Variants in SNRPF observed in about 807,000 individuals in gnomAD.
The protein encoded by SNRPF is small nuclear ribonucleoprotein F.
Under a neutral mutation model 13.4 loss-of-function variants are expected in SNRPF, and 1 was observed. The ratio of observed to expected loss-of-function variants is 0.07; its 90% CI spans 0.03 to 0.35. The LOEUF is 0.35. Among genes scored for constraint, SNRPF ranks in the 10% least tolerant of loss-of-function variants. The pLI, the probability that SNRPF is intolerant of heterozygous loss-of-function variation, is 0.99. For missense variants in SNRPF, 53 were observed against 101.0 expected (o/e 0.52, Z 2.04); for synonymous variants, 27 against 32.1 (o/e 0.84, Z 0.54).
At chr12:95,863,823 A>G (rs754673733) in intron 2 of SNRPF, among the ~76,000 whole-genome samples, 1 of 152,210 alleles carries the variant, frequency 6.6e-6, no homozygotes, top group Non-Finnish European at 1.5e-5. Context: ...AGGGAACAGC[A>G]AGTACAAAGG....
At chr12:95,862,817 G>A (rs1308349912) in intron 2 of SNRPF, among the ~76,000 whole-genome samples, 1 of 151,938 alleles carries the variant, frequency 6.6e-6, no homozygotes, top group Non-Finnish European at 1.5e-5. Context: ...ACCAACACTT[G>A]TTATTTTCTA....
At position 95,861,078 on chromosome 12, in the gene SNRPF, G is replaced by T. The variant is rs927594518; in HGVS notation, c.4-90G>T. 15 of 1,252,416 alleles carry T rather than the reference G, an allele frequency of 1.2e-5. No individual in the cohort carries two copies. In the Admixed American group the frequency reaches 3.7e-4, roughly 31 times the overall value. 77.6% of individuals were successfully genotyped at this position (1,252,416 alleles called of 1,614,324 possible). ...AAGGAGTCAAAAGTTTTCTTCATTTGCATACCACAAAATATTGGTGATTCG... is the reference window on the plus strand; with the variant it reads ...AAGGAGTCAAAAGTTTTCTTCATTTTCATACCACAAAATATTGGTGATTCG... On this transcript the variant is annotated intron_variant, in intron 1 of 3. Coordinates refer to ENST00000266735, the MANE Select transcript of SNRPF (RefSeq NM_003095.5).
chr12:95,861,385 C>G (rs1381756069), intron 2 of SNRPF, 92 bp downstream of exon 2: 1 of 1,223,410 alleles, frequency 8.2e-7, no homozygotes, highest in African/African-American at 1.5e-5. Context: ...AGAATACATA[C>G]AATTAAATTG....
chr12:95,865,260 A>G (rs1592746508), intron 2 of SNRPF, 64 bp from the exon 3 acceptor site: 1 of 771,196 alleles, frequency 1.3e-6, no homozygotes, highest in East Asian at 2.5e-5. Context: ...TCTCACCAAT[A>G]TTAGCTGTAT....
intron 2 of SNRPF, among the ~76,000 whole-genome samples, chr12:95,862,955 A>G (rs1011754346): frequency 2.0e-5 from 3 of 151,986 alleles, no homozygotes; most frequent in African/African-American, 7.3e-5. Flanking sequence ...ATCTTTGGAG[A>G]AATGCCTGTT....
At chr12:95,861,524 A>T in intron 2 of SNRPF, 1 of 331,550 alleles carries the variant, frequency 3.0e-6, no homozygotes, top group Non-Finnish European at 5.6e-6. Context: ...AAGTAGGAAG[A>T]GCTCAGACAC....
chr12:95,860,403 AT>A (rs1273934719), intron 1 of SNRPF, among the ~76,000 whole-genome samples: 1 of 152,180 alleles, frequency 6.6e-6, no homozygotes, highest in African/African-American at 2.4e-5. Flanking sequence ...AAACTGAGGT[AT>A]TACTTATTTC....
intron 2 of SNRPF, among the ~76,000 whole-genome samples, chr12:95,862,180 ATGT>A (rs1325030504): frequency 6.6e-6 from 1 of 152,086 alleles, no homozygotes; most frequent in Non-Finnish European, 1.5e-5. Flanking sequence ...AGGTTCATCC[ATGT>A]TGTAGCATGT....
chr12:95,861,475 A>AG (rs879566919), intron 2 of SNRPF, 182 bp downstream of exon 2: 5 of 412,186 alleles, frequency 1.2e-5, no homozygotes, highest in Non-Finnish European at 2.1e-5. Context: ...ACATGGACTT[A>AG]AACCAGAATT....
chr12:95,860,466 A>G (rs1329942200), intron 1 of SNRPF, among the ~76,000 whole-genome samples: 1 of 152,180 alleles, frequency 6.6e-6, no homozygotes, highest in Admixed American at 6.5e-5. Flanking sequence ...TGTGCCTAGT[A>G]TATCTCCTTT....
intron 1 of SNRPF, among the ~76,000 whole-genome samples, chr12:95,860,178 G>A (rs2079488369): frequency 6.6e-6 from 1 of 152,198 alleles, no homozygotes; most frequent in African/African-American, 2.4e-5. Context: ...AAGTCAGATA[G>A]GACCTAGCCC....
Position 95,859,157 on chromosome 12 carries a change from C to T in SNRPF, c.3+81C>T, listed in dbSNP as rs2079481074. The T allele has an allele frequency of 2.4e-6, 3 of 1,264,736 alleles. No individual in the cohort carries two copies. In the African/African-American group the frequency reaches 4.4e-5, roughly 19 times the overall value. 78.3% of individuals were successfully genotyped at this position (1,264,736 alleles called of 1,614,324 possible). A position where few individuals can be genotyped will look rare whatever the true frequency, so the allele number is the denominator to read the frequency against. On this transcript the variant is annotated intron_variant, in intron 1 of 3. Coordinates refer to ENST00000266735, the MANE Select transcript of SNRPF (RefSeq NM_003095.5). ...GCCTCGCGGGGCCTGCTGGTTCCTT[C>T]GCGCGTTTCCCATTCATCCGCGTGA...
At position 95,860,422 on chromosome 12, in the gene SNRPF, C is replaced by T. The variant is rs538896449; in HGVS notation, c.4-746C>T. Among the ~76,000 whole-genome samples, 13 of 152,308 alleles carry T rather than the reference C, an allele frequency of 8.5e-5. No individual in the cohort carries two copies. The South Asian group carries it at 2.7e-3, about 32-fold the overall frequency. On this transcript the variant is annotated intron_variant, in intron 1 of 3. Coordinates refer to ENST00000266735, the MANE Select transcript of SNRPF (RefSeq NM_003095.5). ...TGAGGTATTACTTATTTCAGGCAAC[C>T]TTTCCTTTTTCCCCTGGATTGCTTT...
At chr12:95,860,313 C>T (rs2079489257) in intron 1 of SNRPF, among the ~76,000 whole-genome samples, 1 of 152,188 alleles carries the variant, frequency 6.6e-6, no homozygotes, top group African/African-American at 2.4e-5. Context: ...TTGCATCACT[C>T]TTCCCTCCTT....
intron 2 of SNRPF, chr12:95,861,513 A>T: frequency 2.9e-6 from 1 of 344,618 alleles, no homozygotes. Context: ...CCTAGTAGTT[A>T]AAGTAGGAAG....
In SNRPF at chr12:95,859,081, G is replaced by A; in HGVS notation, c.3+5G>A. On this transcript the variant is annotated splice_donor_5th_base_variant and intron_variant, in intron 1 of 3. Coordinates refer to ENST00000266735, the MANE Select transcript of SNRPF (RefSeq NM_003095.5). ...CATTCGGCCGTGGTTACGATGGTAAGGAGAAAGAGAACGGCGGGAGAAGCG... is the reference window on the plus strand; with the variant it reads ...CATTCGGCCGTGGTTACGATGGTAAAGAGAAAGAGAACGGCGGGAGAAGCG... 1 of 1,612,770 alleles carries A rather than the reference G, an allele frequency of 6.2e-7. No individual in the cohort carries two copies. Among genetic ancestry groups the A allele is most frequent in the Non-Finnish European group, 8.5e-7 (1 of 1,179,226 alleles).
intron 1 of SNRPF, among the ~76,000 whole-genome samples, chr12:95,860,832 G>C (rs1302100184): frequency 6.9e-6 from 1 of 145,298 alleles, no homozygotes; most frequent in Admixed American, 6.9e-5. Flanking sequence ...TTACAGATAC[G>C]AGCCACCCTA....
In SNRPF at chr12:95,861,246, G is replaced by T; in HGVS notation, c.82G>T (p.Glu28Ter). The change falls in exon 2 of 4, where the codon GAG (glutamate) becomes TAG (stop). Residue 28 changes from glutamate to a stop codon, truncating the protein, a stop_gained. Coordinates refer to ENST00000266735, the MANE Select transcript of SNRPF (RefSeq NM_003095.5). LOFTEE classifies it high-confidence loss of function. ...PVMVKLKWGM[E>*]YKGYLVSVDG... Reference sequence around the variant, plus strand: ...GATGGTGAAACTTAAGTGGGGAATGGAGTACAAGGGCTATCTGGTATCTGT... The same window carrying T: ...GATGGTGAAACTTAAGTGGGGAATGTAGTACAAGGGCTATCTGGTATCTGT... The T allele has an allele frequency of 6.2e-7, 1 of 1,612,374 alleles. No homozygotes were observed.
chr12:95,866,134 AACTTG>A (rs1227194386), exon 4 of SNRPF: 6 of 837,738 alleles, frequency 7.2e-6, no homozygotes, highest in East Asian at 5.6e-5. Context: ...TTTGTTTTTC[AACTTG>A]ACTTGTGAAC....
Sources: gnomAD v4.1 joint callset for allele counts (sites outside exome capture counted in the v4.1 genomes callset) on GRCh38, gnomAD v4.1.1 for gene constraint, MANE v1.5 for transcripts, NCBI Gene and HGNC (gene_info 2026-07-23, HGNC 2026-07-21) for gene names.